LRP1B: variants seen among roughly 807,000 people sequenced by gnomAD.
LRP1B encodes the protein low-density lipoprotein receptor-related protein 1B.
In LRP1B, 217 loss-of-function variants were observed where a neutral mutation model predicts 556.6. The observed-to-expected ratio is 0.39, with a 90% CI of 0.35 to 0.44. LRP1B has a LOEUF of 0.44. Among genes scored for constraint, LRP1B ranks in the 20% least tolerant of loss-of-function variants. The pLI, the probability that LRP1B is intolerant of heterozygous loss-of-function variation, is 1.00. For synonymous variants in LRP1B, 2,047 were observed against 1,865.8 expected, an observed-to-expected ratio of 1.10 and a Z score of -2.50; for missense variants, 5,053 against 5,620.8, an observed-to-expected ratio of 0.90 and a Z score of 3.23.
At chr2:141,831,289 TCTTAA>T (rs1295454632) in intron 1 of LRP1B, among the ~76,000 whole-genome samples, 1 of 151,772 alleles carries the variant, frequency 6.6e-6, no homozygotes, top group African/African-American at 2.4e-5. Context: ...TGACAAAAGT[TCTTAA>T]CTTGATTTTC....
chr2:142,120,965 A>G lies in LRP1B; in HGVS notation c.82+9683T>C, dbSNP rs1707437511. On this transcript the variant is annotated intron_variant, in intron 1 of 90. Coordinates refer to ENST00000389484, the MANE Select transcript of LRP1B (RefSeq NM_018557.3). ...TGTTTTACACAAATCAATAAAAGGC[A>G]CTGCAAAATGGAATGTACCCATTTA... Among the ~76,000 whole-genome samples, 4 of 152,210 alleles carry G rather than the reference A, an allele frequency of 2.6e-5. No individual in the cohort carries two copies. The South Asian group carries it at 8.3e-4, about 32-fold the overall frequency.
chr2:141,088,006 G>A (rs1319321040), intron 7 of LRP1B, among the ~76,000 whole-genome samples: 1 of 152,130 alleles, frequency 6.6e-6, no homozygotes, highest in African/African-American at 2.4e-5. Context: ...CTTAAATGTG[G>A]TTTTCTATTC....
intron 7 of LRP1B, among the ~76,000 whole-genome samples, chr2:141,129,350 G>A (rs1701293042): frequency 6.6e-6 from 1 of 152,066 alleles, no homozygotes; most frequent in Non-Finnish European, 1.5e-5. Context: ...GGAACCGAAT[G>A]ACCCTTTCAA....
chr2:141,041,093 T>A (rs977794644), intron 11 of LRP1B, among the ~76,000 whole-genome samples: 1 of 151,956 alleles, frequency 6.6e-6, no homozygotes, highest in Non-Finnish European at 1.5e-5. Flanking sequence ...AATTAAAGAG[T>A]AATGTATAAT....
chr2:141,326,546 G>A (rs1190443818), intron 3 of LRP1B, among the ~76,000 whole-genome samples: 1 of 152,112 alleles, frequency 6.6e-6, no homozygotes, highest in African/African-American at 2.4e-5. Context: ...AAATGCAGTA[G>A]GCAAATCAGG....
chr2:140,445,108 T>TTC (rs1050528745), intron 63 of LRP1B, among the ~76,000 whole-genome samples: 1 of 151,794 alleles, frequency 6.6e-6, no homozygotes, highest in African/African-American at 2.4e-5. Context: ...ACAATACATA[T>TTC]TCTCTCTCTC....
At chr2:140,728,971 A>T (rs896037674) in intron 35 of LRP1B, among the ~76,000 whole-genome samples, 1 of 152,066 alleles carries the variant, frequency 6.6e-6, no homozygotes, top group Non-Finnish European at 1.5e-5. Context: ...AAACTTTAAA[A>T]TATAAAGTAT....
At chr2:140,669,842 G>C (rs1685417103) in intron 41 of LRP1B, among the ~76,000 whole-genome samples, 1 of 151,876 alleles carries the variant, frequency 6.6e-6, no homozygotes, top group Non-Finnish European at 1.5e-5. Context: ...CACTCACATA[G>C]TGATAATCGC....
At chr2:142,086,636 CAAACA>C (rs1247136537) in intron 1 of LRP1B, among the ~76,000 whole-genome samples, 2,225 of 48,146 alleles carry the variant, frequency 0.046, 39 homozygotes, top group African/African-American at 0.081. Context: ...AACAAACAAA[CAAACA>C]AAAAAAAAAC....
chr2:141,089,234 C>T (rs1228809524), intron 7 of LRP1B, among the ~76,000 whole-genome samples: 2 of 152,118 alleles, frequency 1.3e-5, no homozygotes, highest in Non-Finnish European at 2.9e-5. Context: ...CTAAAGTCTT[C>T]GTATTGTTTT....
intron 2 of LRP1B, among the ~76,000 whole-genome samples, chr2:141,669,600 G>T (rs908134765): frequency 2.0e-5 from 3 of 152,062 alleles, no homozygotes; most frequent in Admixed American, 6.5e-5. Context: ...TTATTTATTT[G>T]CACAGTGACA....
At chr2:140,463,523 A>G (rs1687410348) in intron 60 of LRP1B, among the ~76,000 whole-genome samples, 1 of 152,202 alleles carries the variant, frequency 6.6e-6, no homozygotes, top group South Asian at 2.1e-4. Flanking sequence ...GATAGTAACA[A>G]ACAGTATCAC....
chr2:140,516,836 A>G (rs1481755271), intron 50 of LRP1B, 53 bp downstream of exon 50: 18 of 1,546,264 alleles, frequency 1.2e-5, no homozygotes, highest in Non-Finnish European at 1.4e-5. Context: ...GAGAATACTA[A>G]CATATAAGTA....
chr2:142,046,930 T>C (rs1704279782), intron 1 of LRP1B, among the ~76,000 whole-genome samples: 1 of 152,032 alleles, frequency 6.6e-6, no homozygotes, highest in South Asian at 2.1e-4. Flanking sequence ...ATACTCACTT[T>C]TCTGGTGGAA....
chr2:141,142,221 C>T (rs954668988), intron 7 of LRP1B, among the ~76,000 whole-genome samples: 5 of 152,170 alleles, frequency 3.3e-5, no homozygotes, highest in African/African-American at 1.2e-4. Context: ...TCATTACAGG[C>T]CTCTGAATGT....
intron 60 of LRP1B, among the ~76,000 whole-genome samples, chr2:140,461,863 A>C (rs1043292995): frequency 6.6e-6 from 1 of 152,108 alleles, no homozygotes; most frequent in African/African-American, 2.4e-5. Flanking sequence ...AAAGGTTATA[A>C]AGTCTTTATT....
intron 3 of LRP1B, among the ~76,000 whole-genome samples, chr2:141,342,358 C>G (rs891274613): frequency 6.6e-6 from 1 of 151,826 alleles, no homozygotes; most frequent in African/African-American, 2.4e-5. Context: ...TCTGAATTTT[C>G]TATAACTACT....
chr2:141,035,223 G>A (rs1041690295), intron 11 of LRP1B, among the ~76,000 whole-genome samples: 1 of 151,332 alleles, frequency 6.6e-6, no homozygotes, highest in African/African-American at 2.4e-5. Flanking sequence ...GGGAAGGGGG[G>A]AGGGATAGCA....
At chr2:141,655,120 C>T (rs190724677) in intron 2 of LRP1B, among the ~76,000 whole-genome samples, 6 of 152,158 alleles carry the variant, frequency 3.9e-5, no homozygotes, top group East Asian at 1.9e-4. Flanking sequence ...GGAAGAGGGA[C>T]GGACTGAGGA....
Sources: allele counts gnomAD v4.1 joint callset (sites outside exome capture counted in the v4.1 genomes callset), GRCh38; gene constraint gnomAD v4.1.1; transcripts MANE v1.5; gene names NCBI Gene and HGNC (gene_info 2026-07-23, HGNC 2026-07-21).